The following DYNC1H1 variants were observed in gnomAD, a reference collection of about 807,000 sequenced individuals.
DYNC1H1 encodes the protein cytoplasmic dynein 1 heavy chain 1.
In DYNC1H1, 51 loss-of-function variants were observed where a neutral mutation model predicts 527.1. The ratio of observed to expected loss-of-function variants is 0.10; its 90% CI spans 0.08 to 0.12. The LOEUF is 0.12. DYNC1H1 is among the 10% of genes least tolerant of loss of function. The pLI is 1.00. For missense variants in DYNC1H1, 2,771 were observed against 5,971.8 expected (o/e 0.46, Z 17.66); for synonymous variants, 2,189 against 2,278.8 (o/e 0.96, Z 1.12).
chr14:102,032,753 T>C, intron 52 of DYNC1H1: 1 of 563,812 alleles, frequency 1.8e-6, no homozygotes, highest in South Asian at 2.0e-5. Flanking sequence ...CTTGGGAGGC[T>C]GAGGTGGGAG....
At chr14:101,969,201 T>A (rs1174627227) in intron 1 of DYNC1H1, among the ~76,000 whole-genome samples, 1 of 146,736 alleles carries the variant, frequency 6.8e-6, no homozygotes, top group Non-Finnish European at 1.5e-5. Context: ...TTTTTTTTTT[T>A]AGTAGAGACG....
chr14:102,004,733 C>G (rs1311035256), intron 24 of DYNC1H1, 29 bp from the exon 25 acceptor site: 1 of 1,613,842 alleles, frequency 6.2e-7, no homozygotes, highest in African/African-American at 1.3e-5. Flanking sequence ...TTTTGCATAC[C>G]TCATTTCTTA....
chr14:102,008,129 T>C (rs760158879), intron 28 of DYNC1H1, 49 bp from the exon 29 acceptor site: 29 of 1,610,270 alleles, frequency 1.8e-5, no homozygotes, highest in African/African-American at 2.7e-5. Context: ...GGGGAGACAA[T>C]TGAGGGCACA....
chr14:102,051,089 C>T lies in DYNC1H1; in HGVS notation c.*526C>T, dbSNP rs374597971. 4.7e-6 allele frequency: 1 copy of T among 214,950 alleles called. No individual in the cohort carries two copies. Among genetic ancestry groups the T allele is most frequent in the South Asian group, 7.6e-5 (1 of 13,232 alleles). The allele number at this position is 214,950 out of a possible 1,614,324, so 13.3% of individuals were successfully genotyped here. On this transcript the variant is annotated 3_prime_UTR_variant, in exon 78 of 78. Transcript: ENST00000360184. ...GACCAGCCTCGGCAACATAGTGAGACCCCGTCTCTACAGGAAATTAAATCA... is the reference window on the plus strand; with the variant it reads ...GACCAGCCTCGGCAACATAGTGAGATCCCGTCTCTACAGGAAATTAAATCA...
rs1279008737 is a variant in DYNC1H1 at position 102,055,513 on chromosome 14, C to T, written c.*4950C>T. On this transcript the variant is annotated 3_prime_UTR_variant, in exon 78 of 78. Transcript: ENST00000360184. Reference sequence around the variant, plus strand: ...CCAAACCTCCACCTCCAATTAAGCTCCACCCCCATGTCCCCACTGCCCTCC... The same window carrying T: ...CCAAACCTCCACCTCCAATTAAGCTTCACCCCCATGTCCCCACTGCCCTCC... 1.3e-5 allele frequency: 2 copies of T among 152,918 alleles called. No homozygotes were observed. Among genetic ancestry groups the T allele is most frequent in the Non-Finnish European group, 1.5e-5 (1 of 68,434 alleles). The allele number at this position is 152,918 out of a possible 1,614,324, so 9.5% of individuals were successfully genotyped here.
At chr14:101,984,864 C>T (rs1463597583) in intron 7 of DYNC1H1, among the ~76,000 whole-genome samples, 4 of 137,580 alleles carry the variant, frequency 2.9e-5, no homozygotes, top group Admixed American at 1.7e-4. Context: ...ACCCAGGAGA[C>T]GGAGCTTGCA....
rs563681313 is a variant in DYNC1H1, at chr14:101,966,701, A to AT, written c.256+1762dup. Among the ~76,000 whole-genome samples the AT allele has an allele frequency of 2.1e-3, 325 of 151,834 alleles. 1 individual carries two copies. The highest frequency in any genetic ancestry group is 6.9e-3 in the African/African-American group (285 of 41,400). ...TTTATGTATTAGAATCAGTGATTTT[A>AT]TTTTTTTTACCTTGTGTCACTCTTT... On this transcript the variant is annotated intron_variant, in intron 1 of 77. Transcript: ENST00000360184.
In DYNC1H1 at chr14:102,029,791, G is replaced by T; in HGVS notation, c.9643-28G>T. ...TCCATATAATTTCTGCATGTTTCTCGTCTCTGAGTGTGGGCTTTGCTCTTT... is the reference window on the plus strand; with the variant it reads ...TCCATATAATTTCTGCATGTTTCTCTTCTCTGAGTGTGGGCTTTGCTCTTT... On this transcript the variant is annotated intron_variant, in intron 49 of 77. Transcript: ENST00000360184. This position sits in a 1 kb window ranked among gnomAD's most constrained non-coding sequence, Gnocchi z 5.3. 2 of 1,614,174 alleles carry T rather than the reference G, an allele frequency of 1.2e-6. No individual in the cohort carries two copies. The highest frequency in any genetic ancestry group is 1.1e-5 in the South Asian group (1 of 91,080).
Position 102,040,387 on chromosome 14 carries a change from A to G in DYNC1H1, c.11842A>G (p.Ile3948Val), listed in dbSNP as rs2048633745. 6.2e-6 allele frequency: 10 copies of G among 1,614,180 alleles called. No homozygotes were observed. The highest frequency in any genetic ancestry group is 8.5e-6 in the Non-Finnish European group (10 of 1,180,038). The change falls in exon 63 of 78, where the codon ATT becomes GTT. Residue 3948 changes from isoleucine to valine, a missense_variant. This residue lies in a region of DYNC1H1 where 120 missense variants were observed against 161.9 expected (regional missense o/e 0.74). Transcript: ENST00000360184. ...LSCLPAFKDLIAKVQADEQFG... is the reference protein window; with the variant it reads ...LSCLPAFKDLVAKVQADEQFG... ...CTGCCTTCCCGCGTTTAAGGACTTG[A>G]TTGCAAAGGTTCAGGCAGACGAGGT...
Position 102,042,626 on chromosome 14 carries a change from C to T in DYNC1H1, c.12400-9C>T. On this transcript the variant is annotated splice_polypyrimidine_tract_variant and intron_variant, in intron 68 of 77. Coordinates refer to ENST00000360184, the MANE Select transcript of DYNC1H1 (RefSeq NM_001376.5). This position sits in a 1 kb window ranked among gnomAD's most constrained non-coding sequence, Gnocchi z 5.7. ...ACCCGAGCATAACTGGAACGGCGCT[C>T]TCCCTTAGGTGCCTGTGAATCTGCT... The T allele has an allele frequency of 6.2e-7, 1 of 1,614,174 alleles. No individual in the cohort carries two copies. The highest frequency in any genetic ancestry group is 2.2e-5 in the East Asian group (1 of 44,872).
At chr14:102,028,378 G>T in intron 48 of DYNC1H1, 1 of 446,208 alleles carries the variant, frequency 2.2e-6, no homozygotes, top group South Asian at 2.0e-5. Flanking sequence ...AGCCGGGCAT[G>T]GTGGTGGGCA....
At chr14:102,030,365 T>C (rs2048496795) in intron 51 of DYNC1H1, 83 bp downstream of exon 51, 1 of 1,594,468 alleles carries the variant, frequency 6.3e-7, no homozygotes, top group Admixed American at 1.7e-5. Flanking sequence ...CACTGAACAT[T>C]GCACATATGC....
Position 101,997,011 on chromosome 14 carries a change from T to G in DYNC1H1, c.3565-24T>G. On this transcript the variant is annotated intron_variant, in intron 15 of 77. Coordinates refer to ENST00000360184, the MANE Select transcript of DYNC1H1 (RefSeq NM_001376.5). The surrounding 1 kb of genome is among the most constrained non-coding windows in gnomAD (Gnocchi z 4.8). ...TATCATTGTTATAGAAGAAAAAACTTGATTTATTTTTTAACTCTCAAAGCT... is the reference window on the plus strand; with the variant it reads ...TATCATTGTTATAGAAGAAAAAACTGGATTTATTTTTTAACTCTCAAAGCT... 6.2e-7 allele frequency: 1 copy of G among 1,605,110 alleles called. No homozygotes were observed. The highest frequency in any genetic ancestry group is 8.5e-7 in the Non-Finnish European group (1 of 1,175,358).
At chr14:102,047,639 G>GTA (rs1287359925) in intron 72 of DYNC1H1, 178 bp from the exon 73 acceptor site, 44 of 351,774 alleles carry the variant, frequency 1.3e-4, no homozygotes, top group East Asian at 2.4e-4. Context: ...GTGTGTGTGT[G>GTA]TGTATATATA....
intron 16 of DYNC1H1, among the ~76,000 whole-genome samples, chr14:101,998,811 C>T (rs1179854899): frequency 6.6e-6 from 1 of 150,556 alleles, no homozygotes; most frequent in Non-Finnish European, 1.5e-5. Context: ...AGATTCTGGT[C>T]ATCAAAATTT....
Position 101,979,446 on chromosome 14 carries a change from G to A in DYNC1H1, c.472G>A (p.Ala158Thr). 2 of 1,614,140 alleles carry A rather than the reference G, an allele frequency of 1.2e-6. No homozygotes were observed. The highest frequency in any genetic ancestry group is 1.1e-5 in the South Asian group (1 of 91,084). The change falls in exon 3 of 78, where the codon GCT becomes ACT. Residue 158 changes from alanine to threonine, a missense_variant. Ala to Thr is a moderately conservative substitution (Grantham distance 58). Around this residue, in one of 32 missense-constraint regions of DYNC1H1, gnomAD observed 146 missense variants for 288.1 expected, o/e 0.51. Coordinates refer to ENST00000360184, the MANE Select transcript of DYNC1H1 (RefSeq NM_001376.5). This position sits in a 1 kb window ranked among gnomAD's most constrained non-coding sequence, Gnocchi z 4.6. ...TLHSFISNAV[A>T]PFFKSYIRES... ...GCATTCTTTCATTAGCAATGCAGTG[G>A]CTCCTTTTTTTAAGTCCTACATTAG...
intron 16 of DYNC1H1, 92 bp from the exon 17 acceptor site, chr14:101,999,897 G>A (rs1729603133): frequency 1.1e-5 from 17 of 1,580,088 alleles, no homozygotes; most frequent in East Asian, 2.2e-5. Flanking sequence ...ACGTCCAGAA[G>A]CCCTGCAGGC....
In DYNC1H1 at chr14:101,985,662, T is replaced by C; in HGVS notation, c.1462-25T>C. 6.2e-7 allele frequency: 1 copy of C among 1,613,468 alleles called. No homozygotes were observed. The highest frequency in any genetic ancestry group is 8.5e-7 in the Non-Finnish European group (1 of 1,179,372). ...AAAGCCTTCGTTTGGTCAGCATTTC[T>C]TGATTACATATCTTTCTCCTTTAGG... On this transcript the variant is annotated intron_variant, in intron 7 of 77. Coordinates refer to ENST00000360184, the MANE Select transcript of DYNC1H1 (RefSeq NM_001376.5). This position sits in a 1 kb window ranked among gnomAD's most constrained non-coding sequence, Gnocchi z 5.9.
rs1166575456 is a variant in DYNC1H1 at position 102,050,188 on chromosome 14, A to C, written c.13802A>C (p.Lys4601Thr). 3.7e-6 allele frequency: 6 copies of C among 1,613,732 alleles called. No homozygotes were observed. The highest frequency in any genetic ancestry group is 1.6e-4 in the Middle Eastern group (1 of 6,084). ...RWVKQTNTEK[K>T]ASVVTLPVYL... Reference sequence around the variant, plus strand: ...GTCAAGCAGACAAACACCGAGAAGAAGGCCAGTGTGGTAAGGAGGCACTGC... The same window carrying C: ...GTCAAGCAGACAAACACCGAGAAGACGGCCAGTGTGGTAAGGAGGCACTGC... Residue 4601 changes from lysine to threonine, a missense_variant, in exon 77 of 78, where the codon AAG (lysine) becomes ACG (threonine). Physicochemically the swap from Lys to Thr is moderately conservative, Grantham distance 78 (BLOSUM62 -1). Coordinates refer to ENST00000360184, the MANE Select transcript of DYNC1H1 (RefSeq NM_001376.5).
Sources: allele counts gnomAD v4.1 joint callset (sites outside exome capture counted in the v4.1 genomes callset), GRCh38; gene constraint gnomAD v4.1.1; regional missense constraint gnomAD v4.1.1; non-coding constraint Gnocchi (gnomAD v3.1); transcripts MANE v1.5; gene names NCBI Gene and HGNC (gene_info 2026-07-23, HGNC 2026-07-21).